The following CORO2A variants were observed in gnomAD, a reference collection of about 807,000 sequenced individuals.
CORO2A encodes the protein coronin-2A.
CORO2A carries 47 observed loss-of-function variants against 62.4 expected under a neutral mutation model. The observed-to-expected ratio is 0.75, with a 90% confidence interval of 0.60 to 0.96. The LOEUF is 0.96. Among genes scored for constraint, CORO2A ranks in the 40% least tolerant of loss-of-function variants. The pLI, the probability that CORO2A is intolerant of heterozygous loss-of-function variation, is 0.00. For missense variants in CORO2A, 610 were observed against 684.1 expected, an observed-to-expected ratio of 0.89 and a Z score of 1.21; for synonymous variants, 273 against 268.9, an observed-to-expected ratio of 1.02 and a Z score of -0.15.
Position 98,125,827 on chromosome 9 carries a change from C to T in CORO2A, c.1446+722G>A, listed in dbSNP as rs981275822. On this transcript the variant is annotated intron_variant, in intron 11 of 11. Transcript: ENST00000375077. ...CTGCCTCCTGGGTTCAAGCAATTCT[C>T]CTGCCTCAGCCTCCAGAGTAGCTGG... 2.0e-5 allele frequency among the ~76,000 whole-genome samples: 3 copies of T among 147,898 alleles called. No homozygotes were observed. In the East Asian group the frequency reaches 6.0e-4, roughly 30 times the overall value.
intron 1 of CORO2A, among the ~76,000 whole-genome samples, chr9:98,180,791 C>T (rs1288205469): frequency 2.0e-5 from 3 of 152,058 alleles, no homozygotes; most frequent in South Asian, 2.1e-4. Flanking sequence ...GGTTCAGGCT[C>T]GAGTAGAGGG....
chr9:98,164,975 T>TC (rs1244887232), intron 1 of CORO2A, among the ~76,000 whole-genome samples: 1 of 150,674 alleles, frequency 6.6e-6, no homozygotes, highest in Non-Finnish European at 1.5e-5. Context: ...GTGTAACAAT[T>TC]CTTTTTTTTT....
At chr9:98,147,616 T>C (rs1232334395) in intron 2 of CORO2A, among the ~76,000 whole-genome samples, 3 of 152,158 alleles carry the variant, frequency 2.0e-5, no homozygotes, top group Non-Finnish European at 4.4e-5. Flanking sequence ...AAACACAGGA[T>C]GCCCAGTAAA....
chr9:98,181,609 G>T (rs960151447), intron 1 of CORO2A, among the ~76,000 whole-genome samples: 5 of 151,996 alleles, frequency 3.3e-5, no homozygotes, highest in Non-Finnish European at 7.4e-5. Flanking sequence ...CTTGCCCAGG[G>T]ATCTGAGCTG....
chr9:98,177,065 C>T (rs188628247), intron 1 of CORO2A, among the ~76,000 whole-genome samples: 1 of 152,156 alleles, frequency 6.6e-6, no homozygotes, highest in East Asian at 1.9e-4. Flanking sequence ...ATTGTGAGCT[C>T]AAGGGTCATT....
intron 2 of CORO2A, among the ~76,000 whole-genome samples, chr9:98,153,511 A>G (rs1175942355): frequency 6.6e-6 from 1 of 151,728 alleles, no homozygotes; most frequent in Non-Finnish European, 1.5e-5. Flanking sequence ...GCCTCAAGCA[A>G]TTCTCCTGCT....
rs1358877137 is a variant in CORO2A at position 98,124,018 on chromosome 9, T to TC, written c.*755_*756insG. The TC allele has an allele frequency of 6.6e-6, 1 of 150,524 alleles. No individual in the cohort carries two copies. The highest frequency in any genetic ancestry group is 2.4e-5 in the African/African-American group (1 of 41,022). 9.3% of individuals were successfully genotyped at this position (150,524 alleles called of 1,614,324 possible). A position where few individuals can be genotyped will look rare whatever the true frequency, so the allele number is the denominator to read the frequency against. ...GTTGGCCAGGCTGGTTTCTTTCTTT[T>TC]TTTTTTTTTTTTGAGACAGACTTTT... is the stretch of plus-strand genomic sequence containing the variant. On this transcript the variant is annotated 3_prime_UTR_variant, in exon 12 of 12. Transcript: ENST00000375077.
intron 2 of CORO2A, among the ~76,000 whole-genome samples, chr9:98,140,390 C>T (rs1218951132): frequency 6.6e-6 from 1 of 151,932 alleles, no homozygotes; most frequent in Non-Finnish European, 1.5e-5. Flanking sequence ...AGGGAACACC[C>T]AACCTTCTCT....
At chr9:98,140,803 A>G (rs1827554706) in intron 2 of CORO2A, among the ~76,000 whole-genome samples, 1 of 152,178 alleles carries the variant, frequency 6.6e-6, no homozygotes, top group African/African-American at 2.4e-5. Flanking sequence ...TCCCTCTGGA[A>G]ATACTCTGGC....
intron 2 of CORO2A, among the ~76,000 whole-genome samples, chr9:98,154,352 T>TATATATATATATATATAC (rs71369555): frequency 0.027 from 2,438 of 91,748 alleles, 57 homozygotes; most frequent in East Asian, 0.068. Context: ...TATATATATA[T>TATATATATATATATATAC]ACACAAATAC....
intron 1 of CORO2A, among the ~76,000 whole-genome samples, chr9:98,163,708 C>T (rs1449581660): frequency 5.1e-5 from 7 of 136,822 alleles, no homozygotes; most frequent in South Asian, 5.0e-4. Context: ...GACATACATG[C>T]GGGGTGTGTG....
rs763508368 is a variant in CORO2A, at chr9:98,129,866, C to G, written c.895G>C (p.Glu299Gln). Residue 299 changes from glutamate to glutamine, a missense_variant, in exon 8 of 12, where the codon GAG (glutamate) becomes CAG (glutamine). Coordinates refer to ENST00000375077, the MANE Select transcript of CORO2A (RefSeq NM_052820.4). The stretch of plus-strand genomic sequence containing the variant: ...AGGTGAGGCTTGTCGGCGCTCACCT[C>G]GTAGTAGCGGATGTTGCCATCTCCC... ...GKGDGNIRYY[E>Q]VSADKPHLSY... 1.2e-6 allele frequency: 2 copies of G among 1,613,938 alleles called. No individual in the cohort carries two copies. The highest frequency in any genetic ancestry group is 1.1e-5 in the South Asian group (1 of 91,086).
intron 2 of CORO2A, among the ~76,000 whole-genome samples, chr9:98,153,250 C>T: frequency 6.6e-6 from 1 of 152,048 alleles, no homozygotes; most frequent in Non-Finnish European, 1.5e-5. Context: ...CAGGCACCCG[C>T]TACCACACCT....
rs1404287987 is a variant in CORO2A at position 98,129,789 on chromosome 9, C to T, written c.967+5G>A. The T allele has an allele frequency of 1.2e-6, 2 of 1,610,340 alleles. No homozygotes were observed. Among genetic ancestry groups the T allele is most frequent in the Non-Finnish European group, 1.7e-6 (2 of 1,176,672 alleles). On this transcript the variant is annotated splice_donor_5th_base_variant and intron_variant, in intron 8 of 11. Transcript: ENST00000375077. The stretch of plus-strand genomic sequence containing the variant: ...CAGGCATGAACTTCAGTGTCCCTCA[C>T]TTACCGATCCCCTTCTGTGGGTTAT...
chr9:98,157,541 G>C lies in CORO2A; in HGVS notation c.120C>G (p.Phe40Leu), dbSNP rs1393098252. ...CAATGAAGTGGGGGTTCACGGCACA[G>C]AAGTGGTTGTCGTGAACGCTGCGGG... ...PITRSVHDNH[F>L]CAVNPHFIAV... is the part of the protein sequence containing the mutation. Residue 40 changes from phenylalanine (F) to leucine (L), a missense_variant, in exon 2 of 12, where the codon TTC becomes TTG. Physicochemically the swap from Phe to Leu is conservative, Grantham distance 22. Transcript: ENST00000375077. The C allele has an allele frequency of 5.6e-6, 9 of 1,614,124 alleles. No homozygotes were observed. Among genetic ancestry groups the C allele is most frequent in the Non-Finnish European group, 7.6e-6 (9 of 1,180,050 alleles).
intron 1 of CORO2A, among the ~76,000 whole-genome samples, chr9:98,170,454 T>G (rs1828018867): frequency 1.3e-5 from 2 of 152,200 alleles, no homozygotes; most frequent in Admixed American, 1.3e-4. Flanking sequence ...TTGTTGTTGT[T>G]TTTTTGAAAC....
At position 98,129,904 on chromosome 9, in the gene CORO2A, G is replaced by A. The variant is rs1043245179; in HGVS notation, c.871-14C>T. 6.9e-6 allele frequency: 11 copies of A among 1,600,288 alleles called. No individual in the cohort carries two copies. The Admixed American group carries it at 1.2e-4, about 17-fold the overall frequency. ...GTTGCCATCTCCCTGAGGAGGAGGA[G>A]AAGGAAGAGGAGGGTGAGATTCAGA... On this transcript the variant is annotated splice_polypyrimidine_tract_variant and intron_variant, in intron 7 of 11. Coordinates refer to ENST00000375077, the MANE Select transcript of CORO2A (RefSeq NM_052820.4).
At chr9:98,168,681 G>A (rs933464560) in intron 1 of CORO2A, among the ~76,000 whole-genome samples, 2 of 152,248 alleles carry the variant, frequency 1.3e-5, no homozygotes, top group Non-Finnish European at 2.9e-5. Context: ...TAGTAAGATT[G>A]TTGTGGTCCC....
At chr9:98,191,466 T>C (rs1010593666) in intron 1 of CORO2A, among the ~76,000 whole-genome samples, 2 of 152,200 alleles carry the variant, frequency 1.3e-5, no homozygotes, top group African/African-American at 4.8e-5. Context: ...TTAAGGGACC[T>C]GACCACTGCC....
Sources: allele counts gnomAD v4.1 joint callset (sites outside exome capture counted in the v4.1 genomes callset), GRCh38; gene constraint gnomAD v4.1.1; transcripts MANE v1.5; gene names NCBI Gene and HGNC (gene_info 2026-07-23, HGNC 2026-07-21).